Variants in MPHOSPH9 observed in about 807,000 individuals in gnomAD.
MPHOSPH9 encodes the protein M-phase phosphoprotein 9.
A neutral mutation model predicts 145.5 loss-of-function variants in MPHOSPH9; 88 were observed. The ratio of observed to expected loss-of-function variants is 0.60; its 90% CI spans 0.51 to 0.72. The LOEUF (loss-of-function observed/expected upper bound fraction) is 0.72. Among genes scored for constraint, MPHOSPH9 ranks in the 30% least tolerant of loss-of-function variants. MPHOSPH9 has a pLI of 0.00. For missense variants in MPHOSPH9, 1,238 were observed against 1,386.6 expected (o/e 0.89, Z 1.70); for synonymous variants, 435 against 486.2 (o/e 0.89, Z 1.39).
chr12:123,225,678 C>T (rs2138645989), intron 3 of MPHOSPH9, among the ~76,000 whole-genome samples: 1 of 152,074 alleles, frequency 6.6e-6, no homozygotes, highest in African/African-American at 2.4e-5. Context: ...CACAAATTTT[C>T]CAGAAGTTAA....
chr12:123,206,313 T>C (rs372167368), intron 8 of MPHOSPH9, among the ~76,000 whole-genome samples: 1 of 136,422 alleles, frequency 7.3e-6, no homozygotes, highest in Non-Finnish European at 1.6e-5. Context: ...AAAAAAAAAA[T>C]GAGCCAGGTG....
chr12:123,188,459 C>T (rs1052501060), intron 13 of MPHOSPH9, among the ~76,000 whole-genome samples: 3 of 152,144 alleles, frequency 2.0e-5, no homozygotes, highest in Admixed American at 6.6e-5. Context: ...ATTTCCAGAC[C>T]CATAAGCTCT....
Position 123,210,160 on chromosome 12 carries a change from A to G in MPHOSPH9, c.1090T>C (p.Leu364=), listed in dbSNP as rs1378746943. The change falls in exon 8 of 24, where the codon TTG becomes CTG. Residue 364 remains leucine, a splice_region_variant and synonymous_variant. Coordinates refer to ENST00000606320, the MANE Select transcript of MPHOSPH9 (RefSeq NM_022782.4). ...NAWMSDSGTG[L]TYWKLEEKDM... is the part of the protein sequence containing the mutation. ...TTTTCCTCTAGTTTCCAGTAAGTCA[A>G]TCCTGATGTGCACAAACACACAGAA... is the stretch of plus-strand genomic sequence containing the variant. The G allele has an allele frequency of 6.3e-7, 1 of 1,584,514 alleles. No individual in the cohort carries two copies. Among genetic ancestry groups the G allele is most frequent in the Non-Finnish European group, 8.6e-7 (1 of 1,162,416 alleles).
chr12:123,208,533 C>CAAAAAA (rs373218740), intron 8 of MPHOSPH9, among the ~76,000 whole-genome samples: 1 of 111,172 alleles, frequency 9.0e-6, no homozygotes, highest in Non-Finnish European at 1.7e-5. Context: ...GAAACTGTCT[C>CAAAAAA]AAAAAAAAAA....
rs754180996 is a variant in MPHOSPH9, at chr12:123,203,212, T to C, written c.1320+38A>G. 5.8e-5 allele frequency: 93 copies of C among 1,608,202 alleles called. No individual in the cohort carries two copies. The Middle Eastern group carries it at 6.6e-4, about 11-fold the overall frequency. On this transcript the variant is annotated intron_variant, in intron 9 of 23. Transcript: ENST00000606320. ...AGGTAAAAGTTAGAGTCAGGAAGCA[T>C]TGTTCACGTTCACTCGGCAGAATGT... is the stretch of plus-strand genomic sequence containing the variant.
intron 1 of MPHOSPH9, among the ~76,000 whole-genome samples, chr12:123,241,144 T>G (rs532923580): frequency 6.7e-6 from 1 of 149,416 alleles, no homozygotes; most frequent in South Asian, 2.2e-4. Flanking sequence ...TGGGGTTGTT[T>G]TTTTTTTGTT....
chr12:123,195,422 T>TA (rs1265609950), intron 12 of MPHOSPH9, among the ~76,000 whole-genome samples: 2 of 151,266 alleles, frequency 1.3e-5, no homozygotes, highest in Non-Finnish European at 2.9e-5. Flanking sequence ...CCGTCTCTAC[T>TA]AAAAATACAA....
intron 16 of MPHOSPH9, among the ~76,000 whole-genome samples, chr12:123,175,676 C>A (rs1247456242): frequency 1.3e-5 from 2 of 149,882 alleles, no homozygotes; most frequent in African/African-American, 4.9e-5. Flanking sequence ...TCCCTCACCC[C>A]ACACCTCCTG....
intron 12 of MPHOSPH9, among the ~76,000 whole-genome samples, chr12:123,197,384 C>T (rs1286862741): frequency 6.6e-6 from 1 of 151,866 alleles, no homozygotes; most frequent in East Asian, 2.0e-4. Context: ...GTTACCCAGG[C>T]TGGTCTCGAA....
intron 3 of MPHOSPH9, chr12:123,226,273 G>T (rs2047432338): frequency 1.0e-6 from 1 of 974,812 alleles, no homozygotes; most frequent in Non-Finnish European, 1.3e-6. Flanking sequence ...ATGGATAATG[G>T]ATATAAATAA....
Position 123,203,341 on chromosome 12 carries a change from A to G in MPHOSPH9, c.1229T>C (p.Leu410Pro). ...TTGTTTTTTATAATAAATATCCTTC[A>G]GTGACGGTAGCTTCATCTCATTACT... is the stretch of plus-strand genomic sequence containing the variant. ...NTSNEMKLPS[L>P]KDIYYKKQRE... The change falls in exon 9 of 24, where the codon CTG becomes CCG. Residue 410 changes from leucine (L) to proline (P), a missense_variant. Transcript: ENST00000606320. 2 of 1,610,080 alleles carry G rather than the reference A, an allele frequency of 1.2e-6. No individual in the cohort carries two copies. The highest frequency in any genetic ancestry group is 1.7e-5 in the Admixed American group (1 of 59,950).
intron 16 of MPHOSPH9, among the ~76,000 whole-genome samples, chr12:123,170,730 C>T (rs529001826): frequency 2.0e-4 from 31 of 152,252 alleles, no homozygotes; most frequent in Non-Finnish European, 3.1e-4. Flanking sequence ...TGCAGCCTTT[C>T]GACAATGCTA....
At chr12:123,209,269 A>G (rs1432747216) in intron 8 of MPHOSPH9, among the ~76,000 whole-genome samples, 1 of 152,176 alleles carries the variant, frequency 6.6e-6, no homozygotes, top group East Asian at 1.9e-4. Flanking sequence ...CTAAGATTAC[A>G]TAAGGCAAAA....
chr12:123,228,545 G>A (rs548314142), intron 2 of MPHOSPH9, among the ~76,000 whole-genome samples: 4 of 152,146 alleles, frequency 2.6e-5, no homozygotes, highest in East Asian at 3.9e-4. Flanking sequence ...AAAATTAGCC[G>A]GGTGTGGTAG....
rs1289929377 is a variant in MPHOSPH9 at position 123,233,069 on chromosome 12, G to C, written c.-159+6C>G. On this transcript the variant is annotated splice_donor_region_variant and intron_variant, in intron 1 of 23. Coordinates refer to ENST00000606320, the MANE Select transcript of MPHOSPH9 (RefSeq NM_022782.4). ...TACAGCTCCCTGCAGGCTGGTGGCC[G>C]CTTACCTGGCCGCCGCTCCCGCTGC... is the stretch of plus-strand genomic sequence containing the variant. The C allele has an allele frequency of 6.6e-6, 1 of 152,258 alleles. No homozygotes were observed. Among genetic ancestry groups the C allele is most frequent in the Non-Finnish European group, 1.5e-5 (1 of 68,086 alleles). The allele number at this position is 152,258 out of a possible 1,614,324, so 9.4% of individuals were successfully genotyped here.
At position 123,221,644 on chromosome 12, in the gene MPHOSPH9, G is replaced by A. The variant is rs1431884219; in HGVS notation, c.600C>T (p.Gly200=). ...GATTTAATTCTGAGATACAAAAGGT[G>A]CCATATCCACTGCTTACTGAGCAAC... ...VDSCSVSSGY[G]TFCISELNLY... The change falls in exon 5 of 24, where the codon GGC becomes GGT. Residue 200 remains glycine (G), a synonymous_variant. Coordinates refer to ENST00000606320, the MANE Select transcript of MPHOSPH9 (RefSeq NM_022782.4). 3 of 1,614,000 alleles carry A rather than the reference G, an allele frequency of 1.9e-6. No homozygotes were observed. The highest frequency in any genetic ancestry group is 2.7e-5 in the African/African-American group (2 of 74,932).
At chr12:123,189,663 G>A (rs568913622) in intron 13 of MPHOSPH9, among the ~76,000 whole-genome samples, 11 of 152,210 alleles carry the variant, frequency 7.2e-5, no homozygotes, top group Admixed American at 7.2e-4. Context: ...GGCCGGGCAC[G>A]GTGGCTCACC....
upstream of MPHOSPH9, among the ~76,000 whole-genome samples, chr12:123,236,592 C>CA (rs113568323): frequency 0.085 from 9,027 of 105,784 alleles, 286 homozygotes; most frequent in South Asian, 0.15. Context: ...GACCCTGTCT[C>CA]AAAAAAAAAA....
chr12:123,192,726 T>C (rs757105403), intron 13 of MPHOSPH9, among the ~76,000 whole-genome samples: 2 of 150,520 alleles, frequency 1.3e-5, no homozygotes, highest in Non-Finnish European at 3.0e-5. Context: ...ACAATATTTA[T>C]ACAGCTGTAA....
Sources: allele counts gnomAD v4.1 joint callset (sites outside exome capture counted in the v4.1 genomes callset), GRCh38; gene constraint gnomAD v4.1.1; transcripts MANE v1.5; gene names NCBI Gene and HGNC (gene_info 2026-07-23, HGNC 2026-07-21).